APP: variants seen among roughly 807,000 people sequenced by gnomAD.
The protein encoded by APP is amyloid beta precursor protein, also known as amyloid-beta precursor protein.
APP carries 31 observed loss-of-function variants against 101.4 expected under a neutral mutation model. That is an observed-to-expected ratio of 0.31 (90% CI 0.23 to 0.41). The LOEUF is 0.41. Among genes scored for constraint, APP ranks in the 10% least tolerant of loss-of-function variants. The pLI, the probability that APP is intolerant of heterozygous loss-of-function variation, is 1.00. For synonymous variants in APP, 366 were observed against 364.4 expected (o/e 1.00, Z -0.05); for missense variants, 839 against 1,003.7 (o/e 0.84, Z 2.22).
chr21:26,052,139 TTCTG>T (rs1365354008), intron 4 of APP, among the ~76,000 whole-genome samples: 2 of 152,142 alleles, frequency 1.3e-5, no homozygotes, highest in African/African-American at 4.8e-5. Context: ...CAGTGGTATT[TTCTG>T]TCTAACAGCT....
rs192778995 is a variant in APP, at chr21:26,161,755, A to C, written c.57+8809T>G. Among the ~76,000 whole-genome samples, 59 of 152,332 alleles carry C rather than the reference A, an allele frequency of 3.9e-4. 2 individuals are homozygous for C. The highest frequency in any genetic ancestry group is 3.5e-3 in the Admixed American group (53 of 15,300). On this transcript the variant is annotated intron_variant, in intron 1 of 17. Transcript: ENST00000346798. ...GTAATGACAAAATTATATTTGTGTTAAACCATAATAAGCAATTGAGAGCAT... is the reference window on the plus strand; with the variant it reads ...GTAATGACAAAATTATATTTGTGTTCAACCATAATAAGCAATTGAGAGCAT...
intron 1 of APP, among the ~76,000 whole-genome samples, chr21:26,158,511 G>A (rs1288476451): frequency 6.6e-6 from 1 of 152,146 alleles, no homozygotes; most frequent in Non-Finnish European, 1.5e-5. Context: ...TTGCATCGAG[G>A]TGTCACTATC....
chr21:26,127,219 G>T (rs1324049254), intron 1 of APP, among the ~76,000 whole-genome samples: 1 of 151,636 alleles, frequency 6.6e-6, no homozygotes, highest in Non-Finnish European at 1.5e-5. Flanking sequence ...AAATGAGGTG[G>T]TAACTATTTC....
At chr21:26,031,227 A>G (rs2044803386) in intron 5 of APP, among the ~76,000 whole-genome samples, 1 of 152,204 alleles carries the variant, frequency 6.6e-6, no homozygotes, top group African/African-American at 2.4e-5. Context: ...ACACAGCTAT[A>G]GGTGGTCTGT....
At chr21:26,036,266 A>AGGGTGG (rs1489383040) in intron 5 of APP, among the ~76,000 whole-genome samples, 1 of 24,952 alleles carries the variant, frequency 4.0e-5, no homozygotes, top group Non-Finnish European at 7.6e-5. Flanking sequence ...CACAAAGGCT[A>AGGGTGG]GGGTGGGGGT....
intron 1 of APP, among the ~76,000 whole-genome samples, chr21:26,117,833 G>A (rs1007520022): frequency 2.6e-5 from 4 of 152,142 alleles, no homozygotes; most frequent in Admixed American, 6.5e-5. Context: ...AATTATTTCA[G>A]AGCTTGAGTT....
At chr21:25,941,093 A>G (rs2040557315) in intron 13 of APP, among the ~76,000 whole-genome samples, 1 of 152,238 alleles carries the variant, frequency 6.6e-6, no homozygotes, top group Non-Finnish European at 1.5e-5. Flanking sequence ...ACTCTCAAAA[A>G]GCTAACAATC....
intron 5 of APP, among the ~76,000 whole-genome samples, chr21:26,033,445 TA>T (rs560936054): frequency 2.2e-4 from 33 of 152,224 alleles, no homozygotes; most frequent in Non-Finnish European, 4.4e-4. Flanking sequence ...CTTTCCTTTA[TA>T]AACTACCCAG....
At chr21:25,893,213 G>T (rs769202989) in intron 16 of APP, among the ~76,000 whole-genome samples, 1 of 152,086 alleles carries the variant, frequency 6.6e-6, no homozygotes, top group Admixed American at 6.6e-5. Context: ...TGTGTGTTCT[G>T]TCTGCCCCCC....
intron 1 of APP, among the ~76,000 whole-genome samples, chr21:26,115,872 T>C (rs1037078928): frequency 2.0e-5 from 3 of 152,224 alleles, no homozygotes; most frequent in African/African-American, 4.8e-5. Flanking sequence ...AATACCTTAG[T>C]AGATGGGAAA....
intron 17 of APP, among the ~76,000 whole-genome samples, chr21:25,891,084 TTC>T (rs1247918929): frequency 1.6e-4 from 25 of 152,230 alleles, no homozygotes; most frequent in Admixed American, 1.6e-3. Context: ...TAAATTTTCT[TTC>T]TCTCTTTCTT....
chr21:26,063,162 G>A (rs967426567), intron 3 of APP, among the ~76,000 whole-genome samples: 1 of 152,198 alleles, frequency 6.6e-6, no homozygotes, highest in African/African-American at 2.4e-5. Context: ...TAACCAAGGA[G>A]GAGAGATATA....
rs186525328 is a variant in APP at position 25,953,438 on chromosome 21, G to A, written c.1687+1152C>T. The stretch of plus-strand genomic sequence containing the variant: ...GTGAGGGCCAGCTGTTCCCTTGAGC[G>A]GTGTTTCAGGCACTTCAAAGTCGGA... On this transcript the variant is annotated intron_variant, in intron 13 of 17. Coordinates refer to ENST00000346798, the MANE Select transcript of APP (RefSeq NM_000484.4). Among the ~76,000 whole-genome samples, 10 of 152,266 alleles carry A rather than the reference G, an allele frequency of 6.6e-5. No homozygotes were observed. In the East Asian group the frequency reaches 1.7e-3, roughly 26 times the overall value.
intron 2 of APP, among the ~76,000 whole-genome samples, chr21:26,091,499 G>C (rs1251003799): frequency 1.3e-5 from 2 of 152,154 alleles, no homozygotes; most frequent in Non-Finnish European, 2.9e-5. Flanking sequence ...TGAGAATCAT[G>C]AACTGACAAA....
chr21:26,052,949 T>A (rs1221086856), intron 4 of APP, among the ~76,000 whole-genome samples: 1 of 152,192 alleles, frequency 6.6e-6, no homozygotes, highest in Non-Finnish European at 1.5e-5. Flanking sequence ...ACATAATGAA[T>A]CTAGTTCAAC....
intron 15 of APP, among the ~76,000 whole-genome samples, chr21:25,902,941 G>C (rs957817957): frequency 6.6e-6 from 1 of 152,120 alleles, no homozygotes; most frequent in African/African-American, 2.4e-5. Context: ...TTATGAGAAA[G>C]GTTTTGGATG....
chr21:26,162,249 A>G (rs895870483), intron 1 of APP, among the ~76,000 whole-genome samples: 7 of 152,252 alleles, frequency 4.6e-5, no homozygotes, highest in Non-Finnish European at 7.3e-5. Flanking sequence ...AGATGGCTTC[A>G]GCCCAGGAGG....
Position 25,955,605 on chromosome 21 carries a change from GATGATT to G in APP, c.1587+16_1587+21del. ...ATCCTGGATTGTCAAAGCTGCAGAA[GATGATT>G]ATACCCCACGCTTACCTGGGACCGG... On this transcript the variant is annotated intron_variant, in intron 12 of 17. Coordinates refer to ENST00000346798, the MANE Select transcript of APP (RefSeq NM_000484.4). 6.2e-7 allele frequency: 1 copy of G among 1,613,914 alleles called. No homozygotes were observed.
chr21:25,941,648 T>G, intron 13 of APP: 1 of 152,204 alleles, frequency 6.6e-6, no homozygotes, highest in South Asian at 2.1e-4. Context: ...GCCTAGTTTT[T>G]TATTTTTAGT....
Sources: allele counts gnomAD v4.1 joint callset (sites outside exome capture counted in the v4.1 genomes callset), GRCh38; gene constraint gnomAD v4.1.1; transcripts MANE v1.5; gene names NCBI Gene and HGNC (gene_info 2026-07-23, HGNC 2026-07-21).